The following SHC2 variants were observed in gnomAD, a reference collection of about 807,000 sequenced individuals.
SHC2 encodes the protein SHC adaptor protein 2, also known as SHC-transforming protein 2.
Under a neutral mutation model 60.6 loss-of-function variants are expected in SHC2, and 62 were observed. The ratio of observed to expected loss-of-function variants is 1.02; its 90% CI spans 0.83 to 1.26. SHC2 has a LOEUF of 1.26. SHC2 is among the 50% of genes most tolerant of loss of function. The pLI is 0.00. For missense variants in SHC2, 873 were observed against 822.2 expected (o/e 1.06, Z -0.76); for synonymous variants, 375 against 372.4 (o/e 1.01, Z -0.08).
At chr19:449,430 C>T (rs893317250) in intron 1 of SHC2, among the ~76,000 whole-genome samples, 2 of 152,060 alleles carry the variant, frequency 1.3e-5, no homozygotes, top group Admixed American at 6.6e-5. Context: ...GCTCTGACAC[C>T]GTTGGGAAAA....
intron 1 of SHC2, among the ~76,000 whole-genome samples, chr19:455,907 C>T (rs1182096718): frequency 6.6e-6 from 1 of 152,080 alleles, no homozygotes; most frequent in Non-Finnish European, 1.5e-5. Flanking sequence ...CTCGGTCCCA[C>T]CTGCAGGTCC....
chr19:419,282 G>C (rs890298095), intron 11 of SHC2: 2 of 505,790 alleles, frequency 4.0e-6, no homozygotes, highest in African/African-American at 3.9e-5. Flanking sequence ...CACGCTTCCT[G>C]TCGGGAGCTG....
intron 1 of SHC2, among the ~76,000 whole-genome samples, 178 bp downstream of exon 1, chr19:460,351 C>A (rs899819598): frequency 4.0e-5 from 6 of 151,818 alleles, no homozygotes; most frequent in African/African-American, 1.4e-4. Context: ...CGGACCCCAG[C>A]GCCTCCGGGT....
chr19:418,840 C>T (rs370329933), intron 12 of SHC2, 83 bp downstream of exon 12: 9 of 1,466,990 alleles, frequency 6.1e-6, no homozygotes, highest in South Asian at 2.6e-5. Context: ...AGGCACGGCA[C>T]GTGAACCGGG....
chr19:447,522 C>T (rs902006731), intron 1 of SHC2, among the ~76,000 whole-genome samples: 3 of 152,212 alleles, frequency 2.0e-5, no homozygotes, highest in Non-Finnish European at 2.9e-5. Context: ...CTCAGGCCTG[C>T]AATCCCAGCA....
intron 8 of SHC2, among the ~76,000 whole-genome samples, chr19:431,452 G>A (rs1173269741): frequency 3.8e-5 from 3 of 78,922 alleles, no homozygotes; most frequent in African/African-American, 1.7e-4. Context: ...GCGCTTCATC[G>A]TGAGTGAGAT....
At position 440,917 on chromosome 19, in the gene SHC2, C is replaced by T. The variant is rs369277767; in HGVS notation, c.484G>A (p.Glu162Lys). The T allele has an allele frequency of 1.6e-5, 26 of 1,612,708 alleles. No homozygotes were observed. The highest frequency in any genetic ancestry group is 5.3e-5 in the African/African-American group (4 of 74,928). ...SYVVRYMGCI[E>K]VLRSMRSLDF... ...AGGGAGCGCATAGAGCGGAGAACCT[C>T]GATGCAGCCCATGTACTGAGGGGAG... The change falls in exon 2 of 13, where the codon GAG (glutamate) becomes AAG (lysine). Residue 162 changes from glutamate (E) to lysine (K), a missense_variant. Physicochemically the swap from Glu to Lys is moderately conservative, Grantham distance 56. Transcript: ENST00000264554. This position sits in a 1 kb window ranked among gnomAD's most constrained non-coding sequence, Gnocchi z 7.0.
Position 425,755 on chromosome 19 carries a change from G to A in SHC2, c.1175-524C>T, listed in dbSNP as rs74499609. Among the ~76,000 whole-genome samples, 5,174 of 152,198 alleles carry A rather than the reference G, an allele frequency of 0.034. 332 individuals are homozygous for A. Among genetic ancestry groups the A allele is most frequent in the East Asian group, 0.27 (1,381 of 5,160 alleles). On this transcript the variant is annotated intron_variant, in intron 9 of 12. Transcript: ENST00000264554. The surrounding 1 kb of genome is among the most constrained non-coding windows in gnomAD (Gnocchi z 4.1). ...GTAAAGTGTTTACATGGGGCCGGGC[G>A]TGGTGGCTCACGCCTGTAATCCCAG...
intron 1 of SHC2, among the ~76,000 whole-genome samples, chr19:458,857 G>C (rs1244935054): frequency 6.6e-6 from 1 of 151,934 alleles, no homozygotes; most frequent in Non-Finnish European, 1.5e-5. Flanking sequence ...GGCGGAAGCG[G>C]GTCCTGGGGA....
intron 4 of SHC2, among the ~76,000 whole-genome samples, chr19:436,997 G>A (rs146618818): frequency 3.3e-5 from 5 of 151,976 alleles, no homozygotes; most frequent in East Asian, 3.9e-4. Flanking sequence ...CTGCCCAGAC[G>A]CTCACACACA....
chr19:434,832 G>A lies in SHC2; in HGVS notation c.987C>T (p.Asp329=), dbSNP rs201520938. The A allele has an allele frequency of 4.6e-5, 74 of 1,612,126 alleles. No individual in the cohort carries two copies. The highest frequency in any genetic ancestry group is 3.3e-4 in the Middle Eastern group (2 of 6,060). Residue 329 remains aspartate (D), a synonymous_variant, in exon 8 of 13, where the codon GAC becomes GAT. Coordinates refer to ENST00000264554, the MANE Select transcript of SHC2 (RefSeq NM_012435.3). The part of the protein sequence containing the change: ...LAGPEESAWG[D]EEDSLEHNYY... ...AATTGTGCTCCAAAGAGTCCTCCTC[G>A]TCCCCCCAGGCCGACTCCTCCGGCC... is the stretch of plus-strand genomic sequence containing the variant.
At chr19:455,457 G>A (rs781372892) in intron 1 of SHC2, among the ~76,000 whole-genome samples, 35 of 152,248 alleles carry the variant, frequency 2.3e-4, no homozygotes, top group Non-Finnish European at 4.4e-4. Flanking sequence ...CCTCGGCGCC[G>A]GAGGTACTGC....
At position 422,560 on chromosome 19, in the gene SHC2, C is replaced by A; in HGVS notation, c.1310-104G>T. ...GGTTCCCCGGGGAGTCCCTCGTGCA[C>A]CCGTCGGCCTGCGCTGACCGAGCGC... On this transcript the variant is annotated intron_variant, in intron 10 of 12. Transcript: ENST00000264554. The surrounding 1 kb of genome is among the most constrained non-coding windows in gnomAD (Gnocchi z 5.0). 3.2e-6 allele frequency: 3 copies of A among 946,874 alleles called. No homozygotes were observed. The highest frequency in any genetic ancestry group is 4.6e-6 in the Non-Finnish European group (3 of 646,656). 58.7% of individuals were successfully genotyped at this position (946,874 alleles called of 1,614,324 possible).
At chr19:419,168 G>A (rs928209974) in intron 11 of SHC2, 112 bp from the exon 12 acceptor site, 25 of 1,242,614 alleles carry the variant, frequency 2.0e-5, no homozygotes, top group Admixed American at 5.4e-5. Flanking sequence ...CTGCATGGAC[G>A]AGGGGCCGGA....
At chr19:447,771 T>G (rs1327481952) in intron 1 of SHC2, among the ~76,000 whole-genome samples, 1 of 149,508 alleles carries the variant, frequency 6.7e-6, no homozygotes, top group East Asian at 2.0e-4. Flanking sequence ...AGAACAAAAC[T>G]CCATCTAAAA....
chr19:443,389 GATGA>G (rs1974960601), intron 1 of SHC2, among the ~76,000 whole-genome samples: 1 of 149,866 alleles, frequency 6.7e-6, no homozygotes, highest in Non-Finnish European at 1.5e-5. Context: ...TGGGTGGGTG[GATGA>G]ATGGATGGAT....
intron 11 of SHC2, among the ~76,000 whole-genome samples, chr19:420,686 T>C (rs1334753017): frequency 1.3e-5 from 2 of 152,160 alleles, no homozygotes; most frequent in Non-Finnish European, 2.9e-5. Flanking sequence ...AAATATGCAA[T>C]TGATGGTTTT....
At chr19:431,278 CATCGTGAGTGAG>C (rs1213865077) in intron 8 of SHC2, among the ~76,000 whole-genome samples, 1 of 151,620 alleles carries the variant, frequency 6.6e-6, no homozygotes, top group African/African-American at 2.4e-5. Context: ...GATGGCGCTT[CATCGTGAGTGAG>C]ATCGTGAGTG....
chr19:436,071 C>T (rs1974708707), intron 7 of SHC2, 94 bp downstream of exon 7: 9 of 1,386,102 alleles, frequency 6.5e-6, no homozygotes, highest in East Asian at 2.4e-5. Flanking sequence ...AAGGGCAGGA[C>T]GGAGGCTGAG....
Sources: gnomAD v4.1 joint callset for allele counts (sites outside exome capture counted in the v4.1 genomes callset) on GRCh38, gnomAD v4.1.1 for gene constraint, Gnocchi (gnomAD v3.1) non-coding constraint, MANE v1.5 for transcripts, NCBI Gene and HGNC (gene_info 2026-07-23, HGNC 2026-07-21) for gene names.